The following FAM53A variants were observed in gnomAD, a reference collection of about 807,000 sequenced individuals.
FAM53A encodes protein FAM53A.
Under a neutral mutation model 26.6 loss-of-function variants are expected in FAM53A, and 28 were observed. The ratio of observed to expected loss-of-function variants is 1.05; its 90% CI spans 0.78 to 1.45. The LOEUF (loss-of-function observed/expected upper bound fraction) is 1.45, where lower values mean the gene tolerates loss of function less well. Among genes scored for constraint, FAM53A ranks in the 40% most tolerant of loss-of-function variants. The probability of loss-of-function intolerance (pLI) is 0.00; values close to 1 mark genes in which losing one functional copy is unlikely to be tolerated. For missense variants in FAM53A, 650 were observed against 575.8 expected (o/e 1.13, Z -1.32); for synonymous variants, 290 against 253.1 (o/e 1.15, Z -1.38).
Position 1,669,291 on chromosome 4 carries a change from G to C in FAM53A, c.-164-386C>G, listed in dbSNP as rs541917473. Among the ~76,000 whole-genome samples, 4 of 152,326 alleles carry C rather than the reference G, an allele frequency of 2.6e-5. No homozygotes were observed. The South Asian group carries it at 8.3e-4, about 32-fold the overall frequency. On this transcript the variant is annotated intron_variant, in intron 1 of 4. Coordinates refer to ENST00000308132, the MANE Select transcript of FAM53A (RefSeq NM_001174070.3). ...AAACTCTGACTACCCACCCCCTTCT[G>C]CTCCAAGTGGCCAAACACCCCTCCC...
In FAM53A at chr4:1,630,546, C is replaced by T. The variant is rs981350134; in HGVS notation, c.432-12435G>A. ...GCAGGGTCTACAAAAATACACGCCC[C>T]GGGCCCCGTTCAGCCAGTCCGTCCC... On this transcript the variant is annotated intron_variant, in intron 1 of 1. Transcript: ENST00000489029. The surrounding 1 kb of genome is among the most constrained non-coding windows in gnomAD (Gnocchi z 4.3). Among the ~76,000 whole-genome samples, 2 of 152,154 alleles carry T rather than the reference C, an allele frequency of 1.3e-5. No individual in the cohort carries two copies. Among genetic ancestry groups the T allele is most frequent in the African/African-American group, 4.8e-5 (2 of 41,424 alleles).
chr4:1,645,269 T>C (rs768781538), intron 4 of FAM53A, among the ~76,000 whole-genome samples: 23 of 152,346 alleles, frequency 1.5e-4, no homozygotes, highest in Admixed American at 3.9e-4. Context: ...GGGACAGAGA[T>C]GGCCAGAGCA....
rs929770890 is a variant in FAM53A, at chr4:1,650,478, T to C, written c.882+4500A>G. The stretch of plus-strand genomic sequence containing the variant: ...GCACAGGCGTGGTGGTTTTTGGTTT[T>C]GATTTTGGTTTTTTCTGTTGTTTTT... On this transcript the variant is annotated intron_variant, in intron 4 of 4. Coordinates refer to ENST00000308132, the MANE Select transcript of FAM53A (RefSeq NM_001174070.3). Among the ~76,000 whole-genome samples the C allele has an allele frequency of 2.6e-5, 4 of 151,932 alleles. No individual in the cohort carries two copies. In the East Asian group the frequency reaches 5.8e-4, roughly 22 times the overall value.
the FAM53A span, among the ~76,000 whole-genome samples, chr4:1,611,575 G>A: frequency 0.086 from 13,024 of 152,290 alleles, 601 homozygotes; most frequent in Middle Eastern, 0.18. Flanking sequence ...CCCCTGCTGG[G>A]CCTCCAGACA....
chr4:1,681,928 C>G (rs1402686951), intron 1 of FAM53A, among the ~76,000 whole-genome samples: 1 of 152,176 alleles, frequency 6.6e-6, no homozygotes, highest in East Asian at 1.9e-4. Context: ...AGGTAAAGAA[C>G]ACAAGGTGAG....
chr4:1,660,907 A>G (rs1469983644), intron 2 of FAM53A, among the ~76,000 whole-genome samples: 1 of 151,894 alleles, frequency 6.6e-6, no homozygotes, highest in Non-Finnish European at 1.5e-5. Flanking sequence ...AAAGTTTTTT[A>G]AAAACCAGCT....
chr4:1,584,158 G>GATA, the FAM53A span, among the ~76,000 whole-genome samples: 1 of 152,110 alleles, frequency 6.6e-6, no homozygotes, highest in African/African-American at 2.4e-5. Context: ...CGAATTCTTT[G>GATA]TCAAACAGAA....
At chr4:1,592,559 C>A in the FAM53A span, among the ~76,000 whole-genome samples, 2 of 152,158 alleles carry the variant, frequency 1.3e-5, no homozygotes, top group South Asian at 4.1e-4. Context: ...GCGCCGGCCA[C>A]ACCCAGGGGC....
the FAM53A span, among the ~76,000 whole-genome samples, chr4:1,603,552 G>A: frequency 6.6e-6 from 1 of 152,140 alleles, no homozygotes; most frequent in South Asian, 2.1e-4. Context: ...TCTGCCGATG[G>A]TCCCAGGAGG....
intron 4 of FAM53A, 65 bp from the exon 5 acceptor site, chr4:1,641,672 C>A: frequency 6.4e-7 from 1 of 1,557,604 alleles, no homozygotes; most frequent in Non-Finnish European, 8.8e-7. Context: ...AGCATCCCAC[C>A]AACCCATCGA....
rs146391750 is a variant in FAM53A at position 1,630,035 on chromosome 4, C to T, written c.432-11924G>A. 4.3e-4 allele frequency among the ~76,000 whole-genome samples: 65 copies of T among 152,346 alleles called. No individual in the cohort carries two copies. Among genetic ancestry groups the T allele is most frequent in the African/African-American group, 1.5e-3 (62 of 41,590 alleles). ...CCTCATCCTTCCCCATGTCCCCCTGCTTCCCCCTCCGCCCAGCACAAAAAG... is the reference window on the plus strand; with the variant it reads ...CCTCATCCTTCCCCATGTCCCCCTGTTTCCCCCTCCGCCCAGCACAAAAAG... On this transcript the variant is annotated intron_variant, in intron 1 of 1. Coordinates refer to the FAM53A transcript ENST00000489029. The surrounding 1 kb of genome is among the most constrained non-coding windows in gnomAD (Gnocchi z 4.3).
chr4:1,614,013 T>C (rs147304000), downstream of FAM53A, among the ~76,000 whole-genome samples: 3,080 of 152,204 alleles, frequency 0.02, 55 homozygotes, highest in Non-Finnish European at 0.034. Flanking sequence ...TCGGCGATTC[T>C]CAGGAGGAGG....
At chr4:1,594,478 C>G in the FAM53A span, among the ~76,000 whole-genome samples, 1 of 152,184 alleles carries the variant, frequency 6.6e-6, no homozygotes, top group African/African-American at 2.4e-5. Context: ...GGGGGTATTA[C>G]TGTCATCATG....
chr4:1,623,513 T>C (rs116674816), intron 1 of FAM53A, among the ~76,000 whole-genome samples: 4,666 of 152,272 alleles, frequency 0.031, 169 homozygotes, highest in African/African-American at 0.085. Context: ...GGAGTCCACT[T>C]GGTCACCCGC....
rs1711676307 is a variant in FAM53A at position 1,641,248 on chromosome 4, G to A, written c.*45C>T. The A allele has an allele frequency of 6.2e-7, 1 of 1,603,320 alleles. No individual in the cohort carries two copies. Among genetic ancestry groups the A allele is most frequent in the Non-Finnish European group, 8.5e-7 (1 of 1,173,566 alleles). On this transcript the variant is annotated 3_prime_UTR_variant, in exon 5 of 5. Coordinates refer to ENST00000308132, the MANE Select transcript of FAM53A (RefSeq NM_001174070.3). The stretch of plus-strand genomic sequence containing the variant: ...CAGGAAACCTACTCTGTGCCCCAGG[G>A]CAGGTGCAGGCGGCAGCCATGGCCC...
At chr4:1,577,845 C>T in the FAM53A span, among the ~76,000 whole-genome samples, 4 of 152,128 alleles carry the variant, frequency 2.6e-5, no homozygotes, top group Non-Finnish European at 5.9e-5. Flanking sequence ...GTCAGGGAGC[C>T]GCCTGATGAG....
chr4:1,644,354 A>G (rs1712044357), intron 4 of FAM53A: 1 of 1,535,652 alleles, frequency 6.5e-7, no homozygotes, highest in South Asian at 1.2e-5. Flanking sequence ...TAGAGCGTGA[A>G]AACAGCAGGC....
chr4:1,607,260 C>G, the FAM53A span, among the ~76,000 whole-genome samples: 1 of 151,978 alleles, frequency 6.6e-6, no homozygotes, highest in African/African-American at 2.4e-5. Flanking sequence ...CGCAAGTGAT[C>G]CGCCTGCCTC....
At chr4:1,632,762 C>G (rs187551898) in intron 1 of FAM53A, among the ~76,000 whole-genome samples, 17 of 152,314 alleles carry the variant, frequency 1.1e-4, no homozygotes, top group Admixed American at 3.9e-4. Flanking sequence ...CTACACAGTG[C>G]TCACACGTGT....
Sources: gnomAD v4.1 joint callset for allele counts (sites outside exome capture counted in the v4.1 genomes callset) on GRCh38, gnomAD v4.1.1 for gene constraint, Gnocchi (gnomAD v3.1) non-coding constraint, MANE v1.5 for transcripts, NCBI Gene and HGNC (gene_info 2026-07-23, HGNC 2026-07-21) for gene names.